BCAS2: variants seen among roughly 807,000 people sequenced by gnomAD.
The protein encoded by BCAS2 is pre-mRNA-splicing factor SPF27.
A neutral mutation model predicts 35.3 loss-of-function variants in BCAS2; 34 were observed. That is an observed-to-expected ratio of 0.96 (90% CI 0.73 to 1.28). The LOEUF is 1.28. Among genes scored for constraint, BCAS2 ranks in the 50% most tolerant of loss-of-function variants. The probability of loss-of-function intolerance (pLI) is 0.00; values close to 1 mark genes in which losing one functional copy is unlikely to be tolerated. For synonymous variants in BCAS2, 75 were observed against 91.6 expected (o/e 0.82, Z 1.03); for missense variants, 221 against 268.1 (o/e 0.82, Z 1.23).
intron 6 of BCAS2, among the ~76,000 whole-genome samples, chr1:114,569,446 C>CA (rs1326429196): frequency 1.3e-5 from 2 of 149,326 alleles, no homozygotes; most frequent in South Asian, 2.1e-4. Context: ...ACCTGAGGTA[C>CA]AAAAAAATTA....
intron 4 of BCAS2, among the ~76,000 whole-genome samples, chr1:114,573,170 G>C (rs980840522): frequency 7.2e-6 from 1 of 139,114 alleles, no homozygotes; most frequent in African/African-American, 2.7e-5. Flanking sequence ...CTACCTTGCA[G>C]GTAATAGGGA....
chr1:114,569,498 AT>A (rs1654597548), intron 6 of BCAS2, among the ~76,000 whole-genome samples: 1 of 151,374 alleles, frequency 6.6e-6, no homozygotes, highest in African/African-American at 2.4e-5. Flanking sequence ...TTATAAAATA[AT>A]TTTTTTCCTT....
chr1:114,577,915 G>A lies in BCAS2; in HGVS notation c.187-1157C>T, dbSNP rs7544091. ...AATGTTTAAAAGTTTTTATTAGGCC[G>A]GGCGAGGTGGCTCATGCCTGTAATC... On this transcript the variant is annotated intron_variant, in intron 2 of 6. Coordinates refer to ENST00000369541, the MANE Select transcript of BCAS2 (RefSeq NM_005872.3). Among the ~76,000 whole-genome samples, 169 of 152,332 alleles carry A rather than the reference G, an allele frequency of 1.1e-3. 1 individual carries two copies. Among genetic ancestry groups the A allele is most frequent in the Non-Finnish European group, 1.7e-3 (116 of 68,030 alleles).
At chr1:114,572,356 A>C (rs1654664825) in intron 4 of BCAS2, among the ~76,000 whole-genome samples, 1 of 152,214 alleles carries the variant, frequency 6.6e-6, no homozygotes, top group African/African-American at 2.4e-5. Context: ...CAGACTTCTG[A>C]CCACTAACAG....
intron 6 of BCAS2, among the ~76,000 whole-genome samples, chr1:114,569,156 T>C (rs771058022): frequency 1.2e-4 from 19 of 152,014 alleles, no homozygotes; most frequent in Non-Finnish European, 2.2e-4. Flanking sequence ...ATGAGAGAAC[T>C]TGCAAACCAG....
chr1:114,571,973 T>C (rs1442592963), intron 4 of BCAS2, among the ~76,000 whole-genome samples: 3 of 152,354 alleles, frequency 2.0e-5, no homozygotes, highest in Non-Finnish European at 4.4e-5. Flanking sequence ...TTTAGAGAAG[T>C]AATGAAACAG....
chr1:114,576,739 T>C lies in BCAS2; in HGVS notation c.206A>G (p.Glu69Gly). 6.2e-7 allele frequency: 1 copy of C among 1,610,446 alleles called. No homozygotes were observed. The highest frequency in any genetic ancestry group is 1.1e-5 in the South Asian group (1 of 90,872). The change falls in exon 3 of 7, where the codon GAA becomes GGA. Residue 69 changes from glutamate (E) to glycine (G), a missense_variant. Transcript: ENST00000369541. The stretch of plus-strand genomic sequence containing the variant: ...TTGTCGAGCAGCCAGTCTTTCAAAT[T>C]CATTTCTCATTATGTCAGTCTGATG... Reference protein sequence around the residue: ...SAFETDIMRNEFERLAARQPI... With the variant: ...SAFETDIMRNGFERLAARQPI...
rs1290145733 is a variant in BCAS2, at chr1:114,568,081, A to C, written c.*49T>G. ...CCTTCAAAGTTCATTAAAAGTTCAG[A>C]TGCCTTTTGTGAAAGCCCAACTTTT... On this transcript the variant is annotated 3_prime_UTR_variant, in exon 7 of 7. Coordinates refer to ENST00000369541, the MANE Select transcript of BCAS2 (RefSeq NM_005872.3). 2 of 1,608,118 alleles carry C rather than the reference A, an allele frequency of 1.2e-6. No homozygotes were observed. Among genetic ancestry groups the C allele is most frequent in the Non-Finnish European group, 1.7e-6 (2 of 1,177,386 alleles).
At chr1:114,577,660 T>A (rs542602857) in intron 2 of BCAS2, among the ~76,000 whole-genome samples, 5 of 152,202 alleles carry the variant, frequency 3.3e-5, no homozygotes, top group Non-Finnish European at 7.3e-5. Context: ...CTATCTTCTC[T>A]AGCAATTTTA....
chr1:114,581,466 A>C, intron 1 of BCAS2, 33 bp downstream of exon 1: 1 of 1,613,710 alleles, frequency 6.2e-7, no homozygotes, highest in Non-Finnish European at 8.5e-7. Context: ...GCCAGCTAGC[A>C]GTGAGTCAGC....
chr1:114,574,673 G>A lies in BCAS2; in HGVS notation c.419+917C>T, dbSNP rs562640572. On this transcript the variant is annotated intron_variant, in intron 4 of 6. Coordinates refer to ENST00000369541, the MANE Select transcript of BCAS2 (RefSeq NM_005872.3). ...CTATCAAGTGGTGCTCTGCAAATGG[G>A]ACCTCAGAACTAGTTTTGTTACAAT... is the stretch of plus-strand genomic sequence containing the variant. Among the ~76,000 whole-genome samples, 9 of 152,258 alleles carry A rather than the reference G, an allele frequency of 5.9e-5. No homozygotes were observed. The South Asian group carries it at 1.0e-3, about 18-fold the overall frequency.
rs1206785668 is a variant in BCAS2, at chr1:114,567,587, C to T, written c.*543G>A. ...GTGAGGACCAAATAATTTTTATTCACATACATCTAGTTCATCTACCTAAAG... is the reference window on the plus strand; with the variant it reads ...GTGAGGACCAAATAATTTTTATTCATATACATCTAGTTCATCTACCTAAAG... On this transcript the variant is annotated 3_prime_UTR_variant, in exon 7 of 7. Transcript: ENST00000369541. 1 of 152,248 alleles carries T rather than the reference C, an allele frequency of 6.6e-6. No homozygotes were observed. Among genetic ancestry groups the T allele is most frequent in the Non-Finnish European group, 1.5e-5 (1 of 68,052 alleles). 9.4% of individuals were successfully genotyped at this position (152,248 alleles called of 1,614,324 possible).
At chr1:114,570,268 T>TCACA (rs61232118) in intron 5 of BCAS2, among the ~76,000 whole-genome samples, 196 bp from the exon 6 acceptor site, 15,097 of 150,574 alleles carry the variant, frequency 0.1, 815 homozygotes, top group Middle Eastern at 0.12. Context: ...TTGTGAGAAA[T>TCACA]CACACACACA....
chr1:114,581,476 C>T (rs1322474679), intron 1 of BCAS2, 23 bp downstream of exon 1: 1 of 1,613,962 alleles, frequency 6.2e-7, no homozygotes, highest in African/African-American at 1.3e-5. Flanking sequence ...AGTGAGTCAG[C>T]TACAAAGACA....
chr1:114,580,115 T>C (rs1487229405), intron 2 of BCAS2, among the ~76,000 whole-genome samples: 5 of 152,002 alleles, frequency 3.3e-5, no homozygotes, highest in Admixed American at 2.0e-4. Flanking sequence ...TTAATTTTTC[T>C]TTTGTAGAGA....
At chr1:114,573,339 C>CT (rs66781519) in intron 4 of BCAS2, among the ~76,000 whole-genome samples, 6 of 149,014 alleles carry the variant, frequency 4.0e-5, no homozygotes, top group South Asian at 4.2e-4. Context: ...AATGCCCCAT[C>CT]TTTTTTTTTC....
At chr1:114,570,580 A>G in intron 5 of BCAS2, 120 bp downstream of exon 5, 1 of 721,944 alleles carries the variant, frequency 1.4e-6, no homozygotes. Context: ...TTGAACAAAG[A>G]GAGTGGATCA....
chr1:114,570,855 T>C, intron 4 of BCAS2, 105 bp from the exon 5 acceptor site: 1 of 785,806 alleles, frequency 1.3e-6, no homozygotes, highest in Non-Finnish European at 2.1e-6. Flanking sequence ...TGGAGCTCTG[T>C]GCCAAGAACT....
chr1:114,576,947 A>C (rs540301336), intron 2 of BCAS2, among the ~76,000 whole-genome samples, 189 bp from the exon 3 acceptor site: 3 of 152,260 alleles, frequency 2.0e-5, no homozygotes, highest in Non-Finnish European at 2.9e-5. Context: ...CTCACTTCAC[A>C]TTCAGGAAAA....
Sources: gnomAD v4.1 joint callset for allele counts (sites outside exome capture counted in the v4.1 genomes callset) on GRCh38, gnomAD v4.1.1 for gene constraint, MANE v1.5 for transcripts, NCBI Gene and HGNC (gene_info 2026-07-23, HGNC 2026-07-21) for gene names.